Variants in MID1 observed in about 807,000 individuals in gnomAD.
MID1 encodes the protein midline 1, also known as E3 ubiquitin-protein ligase Midline-1.
In MID1, 7 loss-of-function variants were observed where a neutral mutation model predicts 40.4. The ratio of observed to expected loss-of-function variants is 0.17; its 90% CI spans 0.10 to 0.33. MID1 has a LOEUF of 0.33. MID1 is among the 10% of genes least tolerant of loss of function. The pLI is 1.00. For synonymous variants in MID1, 229 were observed against 221.2 expected (o/e 1.04, Z -0.31); for missense variants, 367 against 558.5 (o/e 0.66, Z 3.46).
chrX:10,811,887 T>C (rs1423864562), intron 1 of MID1, among the ~76,000 whole-genome samples: 4 of 112,271 alleles, frequency 3.6e-5, no homozygotes, highest in Non-Finnish European at 5.6e-5. Context: ...CCGTCCTTTT[T>C]CCCAAGATTA....
At chrX:10,669,995 T>C (rs146558250) in intron 1 of MID1, among the ~76,000 whole-genome samples, 1,220 of 111,768 alleles carry the variant, frequency 0.011, 8 homozygotes, top group Non-Finnish European at 0.018. Flanking sequence ...TTAAAGGACA[T>C]GGGAGCAAGT....
chrX:10,792,451 T>G (rs947377885), intron 1 of MID1, among the ~76,000 whole-genome samples: 16 of 112,562 alleles, frequency 1.4e-4, no homozygotes, highest in Admixed American at 7.5e-4. Context: ...AAACTCTGAC[T>G]GACCGAACAC....
At chrX:10,564,399 A>G (rs1188427962) in intron 2 of MID1, among the ~76,000 whole-genome samples, 1 of 112,495 alleles carries the variant, frequency 8.9e-6, no homozygotes, top group Admixed American at 9.4e-5. Context: ...TTAAAATTCT[A>G]ACGTAAGTGG....
intron 1 of MID1, among the ~76,000 whole-genome samples, chrX:10,611,983 TA>T (rs1337605600): frequency 8.9e-6 from 1 of 111,810 alleles, no homozygotes; most frequent in Non-Finnish European, 1.9e-5. Flanking sequence ...CTGCAGGCAT[TA>T]ATGTCTTCTG....
At chrX:10,683,333 G>A (rs968314597) in intron 1 of MID1, among the ~76,000 whole-genome samples, 3 of 111,347 alleles carry the variant, frequency 2.7e-5, no homozygotes, top group East Asian at 2.8e-4. Flanking sequence ...ATCACTTGAG[G>A]CCAGGAATTT....
At chrX:10,474,286 C>G (rs1195471773) in intron 6 of MID1, among the ~76,000 whole-genome samples, 1 of 112,032 alleles carries the variant, frequency 8.9e-6, no homozygotes, top group Non-Finnish European at 1.9e-5. Flanking sequence ...AATTTTTTCT[C>G]TGCCAATGTA....
intron 1 of MID1, among the ~76,000 whole-genome samples, chrX:10,798,741 G>A (rs1416659470): frequency 9.0e-6 from 1 of 111,660 alleles, no homozygotes; most frequent in Non-Finnish European, 1.9e-5. Context: ...AAGAAGGGAA[G>A]GAAGGAGAAA....
intron 1 of MID1, among the ~76,000 whole-genome samples, chrX:10,646,552 C>T (rs184874421): frequency 0.019 from 2,080 of 111,250 alleles, 43 homozygotes; most frequent in African/African-American, 0.061. Context: ...AGGAAATTTT[C>T]GCCTCCATTT....
At chrX:10,714,199 G>C (rs2043286447) in intron 1 of MID1, among the ~76,000 whole-genome samples, 1 of 112,492 alleles carries the variant, frequency 8.9e-6, no homozygotes, top group Non-Finnish European at 1.9e-5. Flanking sequence ...ATTCTTAAAA[G>C]AAAACAAAAA....
intron 1 of MID1, among the ~76,000 whole-genome samples, chrX:10,716,309 G>T (rs1017191378): frequency 9.0e-6 from 1 of 111,370 alleles, no homozygotes; most frequent in Non-Finnish European, 1.9e-5. Flanking sequence ...AAGATTAGAC[G>T]AATGGCTGAC....
At position 10,462,436 on chromosome X, in the gene MID1, C is replaced by T. The variant is rs183740483; in HGVS notation, c.1286-2629G>A. 2.6e-3 allele frequency among the ~76,000 whole-genome samples: 292 copies of T among 111,382 alleles called. 1 individual carries two copies. The highest frequency in any genetic ancestry group is 8.3e-3 in the African/African-American group (255 of 30,672). On this transcript the variant is annotated intron_variant, in intron 7 of 9. Coordinates refer to ENST00000317552, the MANE Select transcript of MID1 (RefSeq NM_000381.4). ...AAGCAAGACTTCTCTGCCTTGACAC[C>T]CCACTGTGTTAGGACTCTTGACCAG...
In MID1 at chrX:10,750,506, C is replaced by T. The variant is rs766975050; in HGVS notation, c.-187+83048G>A. Among the ~76,000 whole-genome samples, 5 of 110,272 alleles carry T rather than the reference C, an allele frequency of 4.5e-5. No homozygotes were observed. In the South Asian group the frequency reaches 2.0e-3, roughly 44 times the overall value. ...ATTAGCTGGGCATGGTGGGACGTGCCTGTAATCCCAGCTACTTGGGAGGCT... is the reference window on the plus strand; with the variant it reads ...ATTAGCTGGGCATGGTGGGACGTGCTTGTAATCCCAGCTACTTGGGAGGCT... On this transcript the variant is annotated intron_variant, in intron 1 of 10. Transcript: ENST00000380785.
rs372652650 is a variant in MID1 at position 10,830,185 on chromosome X, A to G, written c.-187+3369T>C. Reference sequence around the variant, plus strand: ...GAAAGCATGAATATCTTGACGTATCAGTTACTTGTTCATTGCCCACCAGTG... The same window carrying G: ...GAAAGCATGAATATCTTGACGTATCGGTTACTTGTTCATTGCCCACCAGTG... On this transcript the variant is annotated intron_variant, in intron 1 of 10. Coordinates refer to the MID1 transcript ENST00000380785. 1.6e-3 allele frequency among the ~76,000 whole-genome samples: 180 copies of G among 112,369 alleles called. 1 individual carries two copies. Among genetic ancestry groups the G allele is most frequent in the African/African-American group, 5.6e-3 (173 of 31,032 alleles).
intron 1 of MID1, among the ~76,000 whole-genome samples, chrX:10,830,637 G>A (rs2044246796): frequency 8.9e-6 from 1 of 112,288 alleles, no homozygotes; most frequent in Admixed American, 9.4e-5. Flanking sequence ...GTTCTTTTAT[G>A]TCCATCGCCC....
intron 1 of MID1, among the ~76,000 whole-genome samples, chrX:10,764,442 C>G (rs1713522413): frequency 9.0e-6 from 1 of 111,454 alleles, no homozygotes; most frequent in Non-Finnish European, 1.9e-5. Flanking sequence ...ACAATAAACT[C>G]TAAGACAAAA....
chrX:10,633,932 C>T (rs1936080424), intron 1 of MID1, among the ~76,000 whole-genome samples: 2 of 111,129 alleles, frequency 1.8e-5, no homozygotes. Flanking sequence ...CTTCACCTCA[C>T]TGTTAGTCAT....
chrX:10,641,731 C>T (rs1936199107), intron 1 of MID1, among the ~76,000 whole-genome samples: 1 of 111,759 alleles, frequency 8.9e-6, no homozygotes, highest in Non-Finnish European at 1.9e-5. Context: ...AATTTTAGAC[C>T]AATATCCCTG....
intron 8 of MID1, among the ~76,000 whole-genome samples, chrX:10,458,137 T>C (rs57900027): frequency 0.029 from 3,290 of 112,674 alleles, 100 homozygotes; most frequent in African/African-American, 0.1. Flanking sequence ...CACTTGGTGC[T>C]CAAACATATC....
At chrX:10,715,840 G>T (rs911813123) in intron 1 of MID1, among the ~76,000 whole-genome samples, 40 of 111,523 alleles carry the variant, frequency 3.6e-4, no homozygotes, top group African/African-American at 1.3e-3. Flanking sequence ...ACTCCTCTGA[G>T]ACAAAACTTC....
Sources: gnomAD v4.1 joint callset for allele counts (sites outside exome capture counted in the v4.1 genomes callset) on GRCh38, gnomAD v4.1.1 for gene constraint, MANE v1.5 for transcripts, NCBI Gene and HGNC (gene_info 2026-07-23, HGNC 2026-07-21) for gene names.